Variants in CDH1 observed in about 807,000 individuals in gnomAD.
CDH1 encodes the protein cadherin-1.
In CDH1, 35 loss-of-function variants were observed where a neutral mutation model predicts 84.5. The ratio of observed to expected loss-of-function variants is 0.41; its 90% confidence interval spans 0.32 to 0.55. CDH1 has a LOEUF of 0.55. CDH1 is among the 20% of genes least tolerant of loss of function. The pLI, the probability that CDH1 is intolerant of heterozygous loss-of-function variation, is 0.19. For synonymous variants in CDH1, 417 were observed against 439.0 expected, an observed-to-expected ratio of 0.95 and a Z score of 0.63; for missense variants, 994 against 1,126.6, an observed-to-expected ratio of 0.88 and a Z score of 1.68.
intron 2 of CDH1, among the ~76,000 whole-genome samples, chr16:68,739,756 A>C (rs1962509481): frequency 6.6e-6 from 1 of 151,706 alleles, no homozygotes. Flanking sequence ...CTGGGATTAC[A>C]GGTGCCACCA....
intron 2 of CDH1, among the ~76,000 whole-genome samples, chr16:68,759,639 A>G (rs1242127843): frequency 6.6e-6 from 1 of 151,920 alleles, no homozygotes; most frequent in Non-Finnish European, 1.5e-5. Flanking sequence ...ACAGGCGCGT[A>G]CCACCATGCC....
intron 2 of CDH1, among the ~76,000 whole-genome samples, chr16:68,793,767 C>T (rs1418666086): frequency 6.6e-6 from 1 of 152,100 alleles, no homozygotes; most frequent in Non-Finnish European, 1.5e-5. Flanking sequence ...TGGCGCATGC[C>T]TGTAATCCCA....
chr16:68,818,849 C>CAAAAAAA (rs758115524), intron 10 of CDH1, among the ~76,000 whole-genome samples: 5 of 72,480 alleles, frequency 6.9e-5, no homozygotes, highest in Admixed American at 1.7e-4. Flanking sequence ...GACTCCGTCT[C>CAAAAAAA]AAAAAAAAAA....
intron 2 of CDH1, among the ~76,000 whole-genome samples, chr16:68,745,564 G>GTATATATATATATGTA (rs1380951369): frequency 4.4e-5 from 5 of 112,554 alleles, no homozygotes; most frequent in Non-Finnish European, 9.0e-5. Context: ...ATATATATAT[G>GTATATATATATATGTA]TATATATATA....
chr16:68,769,593 G>A lies in CDH1; in HGVS notation c.163+31182G>A, dbSNP rs567002312. On this transcript the variant is annotated intron_variant, in intron 2 of 15. Coordinates refer to ENST00000261769, the MANE Select transcript of CDH1 (RefSeq NM_004360.5). ...CAAAGTGTGGGGATTATAAGCATGAGCCACTGTGCCCAACCTGCACATGTA... is the reference window on the plus strand; with the variant it reads ...CAAAGTGTGGGGATTATAAGCATGAACCACTGTGCCCAACCTGCACATGTA... 8.8e-4 allele frequency among the ~76,000 whole-genome samples: 134 copies of A among 152,034 alleles called. 1 individual carries two copies. Among genetic ancestry groups the A allele is most frequent in the African/African-American group, 3.2e-3 (131 of 41,494 alleles).
Position 68,815,648 on chromosome 16 carries a change from T to C in CDH1, c.1454T>C (p.Ile485Thr), listed in dbSNP as rs587783049. ...VDVLDVNEAP[I>T]FVPPEKRVEV... Reference sequence around the variant, plus strand: ...GTGCTGGATGTGAATGAAGCCCCCATCTTTGTGCCTCCTGAAAAGAGAGTG... The same window carrying C: ...GTGCTGGATGTGAATGAAGCCCCCACCTTTGTGCCTCCTGAAAAGAGAGTG... Residue 485 changes from isoleucine to threonine, a missense_variant, in exon 10 of 16, where the codon ATC becomes ACC. Around this residue, in one of 3 missense-constraint regions of CDH1, gnomAD observed 769 missense variants for 881.8 expected, o/e 0.87. Coordinates refer to ENST00000261769, the MANE Select transcript of CDH1 (RefSeq NM_004360.5). 6.2e-7 allele frequency: 1 copy of C among 1,614,160 alleles called. No homozygotes were observed. The highest frequency in any genetic ancestry group is 8.5e-7 in the Non-Finnish European group (1 of 1,180,028).
At chr16:68,757,408 A>C (rs1279696493) in intron 2 of CDH1, among the ~76,000 whole-genome samples, 4 of 152,068 alleles carry the variant, frequency 2.6e-5, no homozygotes, top group African/African-American at 9.7e-5. Flanking sequence ...ACTTCCTGTA[A>C]GTTGTACTTA....
At chr16:68,804,102 CTTTTTTTTTTTT>C (rs10563852) in intron 3 of CDH1, among the ~76,000 whole-genome samples, 36 of 75,066 alleles carry the variant, frequency 4.8e-4, no homozygotes, top group African/African-American at 1.5e-3. Flanking sequence ...ATCTGTCTGC[CTTTTTTTTTTTT>C]TTTTTTTTTT....
chr16:68,776,709 G>T (rs112091046), intron 2 of CDH1, among the ~76,000 whole-genome samples: 51 of 152,278 alleles, frequency 3.3e-4, no homozygotes, highest in Non-Finnish European at 6.0e-4. Context: ...AAGAATGGGA[G>T]TGCATCACAT....
intron 2 of CDH1, among the ~76,000 whole-genome samples, chr16:68,752,944 T>A (rs1358103491): frequency 6.6e-6 from 1 of 152,184 alleles, no homozygotes; most frequent in East Asian, 1.9e-4. Context: ...TATCTCAGCA[T>A]CCTTCAGACC....
chr16:68,832,227 C>T (rs970853698), intron 15 of CDH1, among the ~76,000 whole-genome samples: 1 of 151,856 alleles, frequency 6.6e-6, no homozygotes, highest in African/African-American at 2.4e-5. Context: ...ATCCCCATGA[C>T]ATGAGTTTAC....
chr16:68,807,695 A>T (rs766628462), intron 3 of CDH1, among the ~76,000 whole-genome samples: 1 of 152,012 alleles, frequency 6.6e-6, no homozygotes, highest in Non-Finnish European at 1.5e-5. Flanking sequence ...TCTCTATTTA[A>T]AAAAAGAAAA....
chr16:68,812,662 A>T (rs1567507418), intron 8 of CDH1, among the ~76,000 whole-genome samples: 2 of 152,240 alleles, frequency 1.3e-5, no homozygotes, highest in Non-Finnish European at 2.9e-5. Flanking sequence ...AGCCAGGAAG[A>T]CATCTTATGA....
Position 68,833,937 on chromosome 16 carries a change from A to G in CDH1, c.*438A>G, listed in dbSNP as rs1596977325. 1 of 344,598 alleles carries G rather than the reference A, an allele frequency of 2.9e-6. No individual in the cohort carries two copies. The highest frequency in any genetic ancestry group is 4.9e-5 in the East Asian group (1 of 20,270). 21.3% of individuals were successfully genotyped at this position (344,598 alleles called of 1,614,324 possible). On this transcript the variant is annotated 3_prime_UTR_variant, in exon 16 of 16. Transcript: ENST00000261769. ...AAAAATTTGTGTGCTTCTGCTCATT[A>G]CTACACTGGTGTGTCCCTCTGCCTT...
chr16:68,832,985 C>T (rs1425393042), intron 15 of CDH1, among the ~76,000 whole-genome samples: 6 of 152,330 alleles, frequency 3.9e-5, no homozygotes, highest in Non-Finnish European at 8.8e-5. Context: ...CTGCCCATCC[C>T]AGCTGGTGGT....
chr16:68,813,507 A>G lies in CDH1; in HGVS notation c.1320+12A>G, dbSNP rs765062939. 1 of 1,613,700 alleles carries G rather than the reference A, an allele frequency of 6.2e-7. No individual in the cohort carries two copies. The highest frequency in any genetic ancestry group is 1.7e-5 in the Admixed American group (1 of 60,022). On this transcript the variant is annotated intron_variant, in intron 9 of 15. Transcript: ENST00000261769. ...TGAAAACAGCAAAGGTTTGTATGGT[A>G]CCTGGCAAGATGCAGAAACTGGCAT...
chr16:68,830,221 G>T (rs1384530605), intron 15 of CDH1, among the ~76,000 whole-genome samples: 2 of 151,976 alleles, frequency 1.3e-5, no homozygotes, highest in African/African-American at 4.8e-5. Flanking sequence ...CCAAAGTGCT[G>T]GGATTACAGG....
intron 11 of CDH1, among the ~76,000 whole-genome samples, chr16:68,821,008 A>T (rs1961128229): frequency 1.3e-5 from 2 of 152,194 alleles, no homozygotes; most frequent in Non-Finnish European, 2.9e-5. Context: ...AAAAAGTTTT[A>T]AAAATTTACA....
At chr16:68,743,310 T>A (rs1362744917) in intron 2 of CDH1, among the ~76,000 whole-genome samples, 1 of 18,170 alleles carries the variant, frequency 5.5e-5, no homozygotes, top group Non-Finnish European at 1.3e-4. Context: ...TTTCTTTCTT[T>A]CTTTCTTTCT....
Sources: allele counts gnomAD v4.1 joint callset (sites outside exome capture counted in the v4.1 genomes callset), GRCh38; gene constraint gnomAD v4.1.1; regional missense constraint gnomAD v4.1.1; transcripts MANE v1.5; gene names NCBI Gene and HGNC (gene_info 2026-07-23, HGNC 2026-07-21).